PPFIA2: variants seen among roughly 807,000 people sequenced by gnomAD.
The protein encoded by PPFIA2 is PPFI scaffold protein A2, also known as liprin-alpha-2.
PPFIA2 carries 46 observed loss-of-function variants against 175.5 expected under a neutral mutation model. The observed-to-expected ratio is 0.26, with a 90% CI of 0.21 to 0.34. PPFIA2 has a LOEUF of 0.34. PPFIA2 is among the 10% of genes least tolerant of loss of function. The pLI is 1.00. For missense variants in PPFIA2, 1,179 were observed against 1,506.1 expected (o/e 0.78, Z 3.60); for synonymous variants, 568 against 511.4 (o/e 1.11, Z -1.49).
In PPFIA2 at chr12:81,520,955, G is replaced by C. The variant is rs906141411; in HGVS notation, c.304-63089C>G. 5.9e-5 allele frequency among the ~76,000 whole-genome samples: 9 copies of C among 152,102 alleles called. No homozygotes were observed. The South Asian group carries it at 1.4e-3, about 24-fold the overall frequency. ...AAATCATTATAGCAGATTTTTTTAG[G>C]GGGGGTGAGGAAGGGAGGTGTCATA... On this transcript the variant is annotated intron_variant, in intron 4 of 32. Coordinates refer to ENST00000549396, the MANE Select transcript of PPFIA2 (RefSeq NM_003625.5).
intron 11 of PPFIA2, chr12:81,369,396 C>G: frequency 1.4e-6 from 2 of 1,420,644 alleles, no homozygotes; most frequent in South Asian, 1.4e-5. Flanking sequence ...CAAGCATCAG[C>G]AAAACATTGG....
At chr12:81,753,037 C>A (rs1048939758) in intron 3 of PPFIA2, among the ~76,000 whole-genome samples, 4 of 151,564 alleles carry the variant, frequency 2.6e-5, no homozygotes, top group African/African-American at 9.7e-5. Context: ...CGGGTTCAAG[C>A]AATTCTCCTG....
chr12:81,519,560 T>C (rs1442941301), intron 4 of PPFIA2, among the ~76,000 whole-genome samples: 1 of 152,242 alleles, frequency 6.6e-6, no homozygotes, highest in African/African-American at 2.4e-5. Context: ...TCTGTATCTT[T>C]GACTGTTTAC....
At chr12:81,289,715 G>A (rs1048787643) in intron 24 of PPFIA2, among the ~76,000 whole-genome samples, 27 of 151,794 alleles carry the variant, frequency 1.8e-4, no homozygotes, top group African/African-American at 6.3e-4. Flanking sequence ...GGATAATGTG[G>A]AACTCCAGAC....
intron 5 of PPFIA2, among the ~76,000 whole-genome samples, chr12:81,456,605 T>G (rs1378372010): frequency 6.6e-6 from 1 of 152,216 alleles, no homozygotes; most frequent in Admixed American, 6.5e-5. Context: ...CTATAACATT[T>G]AAACTATTTT....
intron 12 of PPFIA2, 92 bp downstream of exon 12, chr12:81,369,019 T>C (rs1183147124): frequency 3.9e-6 from 5 of 1,276,554 alleles, no homozygotes; most frequent in Non-Finnish European, 5.4e-6. Context: ...GTTTTAAATA[T>C]AACCCATACT....
chr12:81,424,913 G>T (rs1169395944), intron 7 of PPFIA2: 1 of 152,136 alleles, frequency 6.6e-6, no homozygotes, highest in Non-Finnish European at 1.5e-5. Context: ...TCCATGGATA[G>T]ATACAAATGT....
chr12:81,471,846 A>G (rs1246163750), intron 4 of PPFIA2, among the ~76,000 whole-genome samples: 1 of 152,138 alleles, frequency 6.6e-6, no homozygotes. Flanking sequence ...TAGCCATTCT[A>G]ACAGGTACTA....
intron 5 of PPFIA2, among the ~76,000 whole-genome samples, chr12:81,452,671 G>A (rs1029566203): frequency 2.6e-5 from 4 of 152,182 alleles, no homozygotes; most frequent in African/African-American, 7.2e-5. Flanking sequence ...GAATTGGACC[G>A]TATTTTCTAC....
intron 22 of PPFIA2, among the ~76,000 whole-genome samples, chr12:81,313,805 C>T (rs1445611447): frequency 6.6e-6 from 1 of 151,992 alleles, no homozygotes; most frequent in East Asian, 1.9e-4. Context: ...ATCTAGGAAT[C>T]ACTTCCCTAT....
chr12:81,384,469 A>C (rs2142007885), intron 8 of PPFIA2, among the ~76,000 whole-genome samples: 1 of 152,234 alleles, frequency 6.6e-6, no homozygotes, highest in South Asian at 2.1e-4. Flanking sequence ...GATGTATTTG[A>C]AATATGCTAT....
chr12:81,334,489 C>CAA (rs34576372), intron 21 of PPFIA2, among the ~76,000 whole-genome samples: 92 of 145,908 alleles, frequency 6.3e-4, no homozygotes, highest in South Asian at 4.1e-3. Context: ...CTCCCTCCAC[C>CAA]AAAAAAAAAA....
At chr12:81,624,473 T>G (rs2062446876) in intron 4 of PPFIA2, among the ~76,000 whole-genome samples, 1 of 146,962 alleles carries the variant, frequency 6.8e-6, no homozygotes, top group African/African-American at 2.5e-5. Flanking sequence ...TGGGCATATA[T>G]ATATATATCA....
intron 30 of PPFIA2, among the ~76,000 whole-genome samples, chr12:81,265,570 T>C (rs1296203605): frequency 2.0e-5 from 3 of 152,274 alleles, no homozygotes; most frequent in Non-Finnish European, 4.4e-5. Context: ...TCTAAGTAAG[T>C]TGGCTATTTT....
At chr12:81,461,585 A>G (rs538940657) in intron 4 of PPFIA2, among the ~76,000 whole-genome samples, 2 of 152,088 alleles carry the variant, frequency 1.3e-5, no homozygotes, top group Admixed American at 6.6e-5. Context: ...TCCATCATTA[A>G]CCAGCACTCA....
At chr12:81,610,915 C>A (rs1278407606) in intron 4 of PPFIA2, among the ~76,000 whole-genome samples, 1 of 152,152 alleles carries the variant, frequency 6.6e-6, no homozygotes, top group South Asian at 2.1e-4. Flanking sequence ...GCTTTCAGAG[C>A]ACCAGGGCTT....
chr12:81,696,829 C>T (rs1434365472), intron 3 of PPFIA2, among the ~76,000 whole-genome samples: 2 of 151,772 alleles, frequency 1.3e-5, no homozygotes, highest in African/African-American at 2.4e-5. Flanking sequence ...AAATGCAATC[C>T]AATTAGTCTT....
chr12:81,619,917 T>C (rs1244385824), intron 4 of PPFIA2, among the ~76,000 whole-genome samples: 3 of 152,018 alleles, frequency 2.0e-5, no homozygotes, highest in Non-Finnish European at 2.9e-5. Flanking sequence ...CCCAGCACTT[T>C]GGGAGGCCGA....
intron 22 of PPFIA2, among the ~76,000 whole-genome samples, chr12:81,316,760 C>G (rs2052454341): frequency 6.6e-6 from 1 of 151,530 alleles, no homozygotes; most frequent in African/African-American, 2.4e-5. Context: ...GCTACCCTTT[C>G]CAGAGTATAA....
Sources: allele counts gnomAD v4.1 joint callset (sites outside exome capture counted in the v4.1 genomes callset), GRCh38; gene constraint gnomAD v4.1.1; transcripts MANE v1.5; gene names NCBI Gene and HGNC (gene_info 2026-07-23, HGNC 2026-07-21).